MIIP: variants seen among roughly 807,000 people sequenced by gnomAD.
MIIP encodes migration and invasion-inhibitory protein.
Under a neutral mutation model 44.8 loss-of-function variants are expected in MIIP, and 44 were observed. The observed-to-expected ratio is 0.98, with a 90% CI of 0.77 to 1.26. The LOEUF (loss-of-function observed/expected upper bound fraction) is 1.26, where lower values mean the gene tolerates loss of function less well. Ranked by LOEUF, MIIP falls within the 50% of genes most tolerant of loss-of-function variation. MIIP has a pLI of 0.00. For missense variants in MIIP, 496 were observed against 511.7 expected (o/e 0.97, Z 0.30); for synonymous variants, 225 against 218.3 (o/e 1.03, Z -0.27).
chr1:12,026,079 C>T (rs539166523), intron 4 of MIIP, among the ~76,000 whole-genome samples: 2 of 151,668 alleles, frequency 1.3e-5, no homozygotes, highest in African/African-American at 2.4e-5. Context: ...CCGAGGTGGG[C>T]GAATCACTTG....
chr1:12,019,525 G>C lies in MIIP; in HGVS notation c.-110G>C, dbSNP rs1175626781. The C allele has an allele frequency of 2.0e-5, 3 of 152,908 alleles. No individual in the cohort carries two copies. Among genetic ancestry groups the C allele is most frequent in the Admixed American group, 6.5e-5 (1 of 15,292 alleles). 9.5% of individuals were successfully genotyped at this position (152,908 alleles called of 1,614,324 possible). On this transcript the variant is annotated 5_prime_UTR_variant, in exon 1 of 10. Coordinates refer to ENST00000235332, the MANE Select transcript of MIIP (RefSeq NM_021933.4). ...CGGCTCAGGCGGCTGCGGCTGCTAC[G>C]GCGGCGCATGCTAGGGGATTCTGCC...
chr1:12,022,777 T>A lies in MIIP; in HGVS notation c.463-56T>A, dbSNP rs1438134028. 7.3e-6 allele frequency: 10 copies of A among 1,373,466 alleles called. No individual in the cohort carries two copies. In the East Asian group the frequency reaches 2.4e-4, roughly 33 times the overall value. The allele number at this position is 1,373,466 out of a possible 1,614,324, so 85.1% of individuals were successfully genotyped here. A position where few individuals can be genotyped will look rare whatever the true frequency, so the allele number is the denominator to read the frequency against. The stretch of plus-strand genomic sequence containing the variant: ...TCTCTCTGTCCCTCGAATTGCGGCT[T>A]CCTCTGGGCCAGGCCTCTTGGCTTA... On this transcript the variant is annotated intron_variant, in intron 3 of 9. Transcript: ENST00000235332.
intron 4 of MIIP, among the ~76,000 whole-genome samples, chr1:12,026,853 C>T (rs192386874): frequency 6.6e-6 from 1 of 152,202 alleles, no homozygotes; most frequent in Non-Finnish European, 1.5e-5. Context: ...AAGCCGCTGT[C>T]TGTTATTTCT....
At chr1:12,028,694 C>G in intron 4 of MIIP, 1 of 204,980 alleles carries the variant, frequency 4.9e-6, no homozygotes, top group Admixed American at 5.4e-5. Context: ...TTTTTGGTGG[C>G]TAGTTCATCT....
Position 12,032,003 on chromosome 1 carries a change from T to G in MIIP, c.*195T>G. ...GACCCTGGGGTGGAGGGTGAGGGAT[T>G]CTGTGGAAGTTTGTAAATAAAGCTC... On this transcript the variant is annotated 3_prime_UTR_variant, in exon 10 of 10. Transcript: ENST00000235332. 1.7e-6 allele frequency: 1 copy of G among 604,354 alleles called. No homozygotes were observed. Among genetic ancestry groups the G allele is most frequent in the African/African-American group, 1.9e-5 (1 of 53,870 alleles). 37.4% of individuals were successfully genotyped at this position (604,354 alleles called of 1,614,324 possible).
At chr1:12,026,799 C>T (rs61776547) in intron 4 of MIIP, among the ~76,000 whole-genome samples, 2,711 of 152,268 alleles carry the variant, frequency 0.018, 39 homozygotes, top group Non-Finnish European at 0.027. Context: ...GGCTGAGGCC[C>T]GGTGAGACAG....
chr1:12,021,014 G>T (rs1240048846), intron 1 of MIIP, among the ~76,000 whole-genome samples: 1 of 151,978 alleles, frequency 6.6e-6, no homozygotes, highest in African/African-American at 2.4e-5. Flanking sequence ...ATGCAACCAT[G>T]GCTCACTGCA....
rs1640204244 is a variant in MIIP, at chr1:12,030,108, C to T, written c.926C>T (p.Thr309Ile). 1 of 1,612,770 alleles carries T rather than the reference C, an allele frequency of 6.2e-7. No individual in the cohort carries two copies. The highest frequency in any genetic ancestry group is 8.5e-7 in the Non-Finnish European group (1 of 1,179,952). ...CGAAAGAGCTTTGACGCCTCTGACACACTGGCCCTGCCCCGGGTGAGCAGC... is the reference window on the plus strand; with the variant it reads ...CGAAAGAGCTTTGACGCCTCTGACATACTGGCCCTGCCCCGGGTGAGCAGC... ...HRRKSFDASD[T>I]LALPRHCLLG... Residue 309 changes from threonine (T) to isoleucine (I), a missense_variant, in exon 8 of 10, where the codon ACA becomes ATA. Coordinates refer to ENST00000235332, the MANE Select transcript of MIIP (RefSeq NM_021933.4).
chr1:12,021,769 CTG>C lies in MIIP; in HGVS notation c.44_45del (p.Leu15ArgfsTer71). 1 of 1,613,164 alleles carries C rather than the reference CTG, an allele frequency of 6.2e-7. No individual in the cohort carries two copies. The highest frequency in any genetic ancestry group is 8.5e-7 in the Non-Finnish European group (1 of 1,179,992). Reference sequence around the variant, plus strand: ...ACTGGCACAGCTGCGGCTGCTCAATCTGGAGCTCCTGAGGCAGCTGTGGGTGG... The same window carrying C: ...ACTGGCACAGCTGCGGCTGCTCAATCGAGCTCCTGAGGCAGCTGTGGGTGG... Reference protein sequence around the residue: ...EELAQLRLLNLELLRQLWVGQ... With the variant: ...EELAQLRLLNXELLRQLWVGQ... On this transcript the variant is annotated frameshift_variant, in exon 2 of 10. Transcript: ENST00000235332. LOFTEE classifies it high-confidence loss of function.
intron 1 of MIIP, among the ~76,000 whole-genome samples, chr1:12,020,516 TTG>T (rs957641438): frequency 1.3e-5 from 2 of 152,018 alleles, no homozygotes; most frequent in Non-Finnish European, 1.5e-5. Context: ...TTTTTGTATT[TTG>T]TGTGTGTGTG....
Position 12,031,274 on chromosome 1 carries a change from G to T in MIIP, c.951G>T (p.Leu317=), listed in dbSNP as rs1003075967. Residue 317 remains leucine, a synonymous_variant, in exon 9 of 10, where the codon CTG becomes CTT. Coordinates refer to ENST00000235332, the MANE Select transcript of MIIP (RefSeq NM_021933.4). ...CTCCTTGCCTTCCACAGCACTGCCTGCTGGGCTGGGACATTTTTCCTCCGA... is the reference window on the plus strand; with the variant it reads ...CTCCTTGCCTTCCACAGCACTGCCTTCTGGGCTGGGACATTTTTCCTCCGA... The part of the protein sequence containing the change: ...SDTLALPRHC[L]LGWDIFPPKS... The T allele has an allele frequency of 5.0e-6, 8 of 1,613,536 alleles. No individual in the cohort carries two copies. Among genetic ancestry groups the T allele is most frequent in the Non-Finnish European group, 6.8e-6 (8 of 1,179,778 alleles).
chr1:12,022,847 C>T lies in MIIP; in HGVS notation c.477C>T (p.Phe159=), dbSNP rs1380515717. Reference sequence around the variant, plus strand: ...TCCTTCCTCAGCCCAGGGTGACCTTCTCTGAGGAGTCTGCAGTTCCTAAGA... The same window carrying T: ...TCCTTCCTCAGCCCAGGGTGACCTTTTCTGAGGAGTCTGCAGTTCCTAAGA... ...QSKLSKPRVT[F]SEESAVPKRS... The change falls in exon 4 of 10, where the codon TTC becomes TTT. Residue 159 remains phenylalanine, a synonymous_variant. Coordinates refer to ENST00000235332, the MANE Select transcript of MIIP (RefSeq NM_021933.4). 1.2e-5 allele frequency: 19 copies of T among 1,605,856 alleles called. No individual in the cohort carries two copies. The highest frequency in any genetic ancestry group is 2.7e-5 in the African/African-American group (2 of 74,712).
intron 4 of MIIP, among the ~76,000 whole-genome samples, chr1:12,026,256 G>A (rs1453477620): frequency 1.3e-5 from 2 of 152,148 alleles, no homozygotes; most frequent in Non-Finnish European, 2.9e-5. Context: ...AGTGAGCAGA[G>A]ATCAAGCCAC....
intron 4 of MIIP, among the ~76,000 whole-genome samples, chr1:12,023,510 TCTC>T (rs1368725693): frequency 1.3e-4 from 19 of 151,122 alleles, no homozygotes; most frequent in Non-Finnish European, 2.5e-4. Context: ...TTCATACCAT[TCTC>T]CTGCCTCAGC....
At chr1:12,020,747 G>T (rs776629147) in intron 1 of MIIP, among the ~76,000 whole-genome samples, 1 of 152,072 alleles carries the variant, frequency 6.6e-6, no homozygotes, top group Non-Finnish European at 1.5e-5. Flanking sequence ...GCAATGGTGC[G>T]ATCTCGGCTC....
chr1:12,028,553 G>T (rs12081963), intron 4 of MIIP, among the ~76,000 whole-genome samples: 6,346 of 152,156 alleles, frequency 0.042, 406 homozygotes, highest in African/African-American at 0.15. Context: ...GCTTCTCCAT[G>T]TCTCTGCTCA....
At chr1:12,021,957 G>C (rs559756092) in intron 2 of MIIP, 117 bp downstream of exon 2, 1 of 1,234,854 alleles carries the variant, frequency 8.1e-7, no homozygotes, top group Admixed American at 2.3e-5. Flanking sequence ...GGGACATTGA[G>C]GGCTGGGGAG....
chr1:12,023,485 G>T (rs1159646209), intron 4 of MIIP, among the ~76,000 whole-genome samples: 1 of 148,516 alleles, frequency 6.7e-6, no homozygotes, highest in African/African-American at 2.5e-5. Flanking sequence ...CTCACTGCAA[G>T]CCCCGCCTCC....
chr1:12,031,390 GCCCTTTTCACC>G lies in MIIP; in HGVS notation c.1069_1079del (p.Pro357GlyfsTer101). 1 of 1,613,708 alleles carries G rather than the reference GCCCTTTTCACC, an allele frequency of 6.2e-7. No individual in the cohort carries two copies. The highest frequency in any genetic ancestry group is 1.1e-5 in the South Asian group (1 of 91,084). On this transcript the variant is annotated frameshift_variant and splice_region_variant, in exon 9 of 10. Transcript: ENST00000235332. LOFTEE classifies it low-confidence loss of function (END_TRUNC). ...CACCAGAAGCTGTCCGGCACCAGCA[GCCCTTTTCACC>G]CGGTACGGTCCAGATCGCATCCTAG...
Sources: allele counts gnomAD v4.1 joint callset (sites outside exome capture counted in the v4.1 genomes callset), GRCh38; gene constraint gnomAD v4.1.1; transcripts MANE v1.5; gene names NCBI Gene and HGNC (gene_info 2026-07-23, HGNC 2026-07-21).